Variants in GLB1 observed in about 807,000 individuals in gnomAD.
GLB1 encodes beta-galactosidase.
In GLB1, 56 loss-of-function variants were observed where a neutral mutation model predicts 74.0. The ratio of observed to expected loss-of-function variants is 0.76; its 90% CI spans 0.61 to 0.94. The LOEUF is 0.94. GLB1 is among the 40% of genes least tolerant of loss of function. GLB1 has a pLI of 0.00. For missense variants in GLB1, 787 were observed against 845.5 expected (o/e 0.93, Z 0.86); for synonymous variants, 323 against 323.6 (o/e 1.00, Z 0.02).
chr3:33,052,676 T>C (rs1699045679), intron 7 of GLB1: 1 of 153,208 alleles, frequency 6.5e-6, no homozygotes, highest in African/African-American at 2.4e-5. Context: ...TTTGTATGAA[T>C]CCAGATTTTC....
chr3:33,077,949 T>C (rs1700182206), intron 1 of GLB1, among the ~76,000 whole-genome samples: 1 of 152,186 alleles, frequency 6.6e-6, no homozygotes, highest in South Asian at 2.1e-4. Flanking sequence ...TATAACTTTG[T>C]TGTACATAGT....
In GLB1 at chr3:33,016,853, A is replaced by C; in HGVS notation, c.1348-13T>G. ...CTCCCTGGGGGATCTGTGGGGTTCA[A>C]GACCAAATGACAATTGAATTGAGGG... On this transcript the variant is annotated splice_polypyrimidine_tract_variant and intron_variant, in intron 13 of 15. Transcript: ENST00000307363. 6.2e-7 allele frequency: 1 copy of C among 1,613,618 alleles called. No homozygotes were observed.
At chr3:33,056,773 C>G (rs1699240841) in intron 6 of GLB1, among the ~76,000 whole-genome samples, 4 of 152,122 alleles carry the variant, frequency 2.6e-5, no homozygotes, top group Admixed American at 2.6e-4. Context: ...GGCCCTTTAT[C>G]CCTAAATACA....
intron 1 of GLB1, chr3:33,091,638 T>TA: frequency 1.0e-6 from 1 of 984,388 alleles, no homozygotes; most frequent in Non-Finnish European, 1.2e-6. Context: ...TTGAGGTAGA[T>TA]ACGATAATTA....
intron 1 of GLB1, among the ~76,000 whole-genome samples, chr3:33,081,607 C>A (rs997091945): frequency 2.6e-5 from 4 of 152,208 alleles, no homozygotes; most frequent in East Asian, 1.9e-4. Flanking sequence ...GAAGCCCCCC[C>A]AGTGGGGCCA....
intron 10 of GLB1, among the ~76,000 whole-genome samples, chr3:33,042,115 G>A (rs377689910): frequency 6.6e-6 from 1 of 151,994 alleles, no homozygotes; most frequent in South Asian, 2.1e-4. Context: ...ACCTTCATAA[G>A]CCACAATCAC....
chr3:33,056,678 A>AGC (rs1333819873), intron 6 of GLB1, among the ~76,000 whole-genome samples: 1 of 152,176 alleles, frequency 6.6e-6, no homozygotes, highest in Non-Finnish European at 1.5e-5. Context: ...CCCAATTGTT[A>AGC]GCATTTTACT....
chr3:32,990,674 G>A, the GLB1 span, among the ~76,000 whole-genome samples: 357 of 152,240 alleles, frequency 2.3e-3, no homozygotes, highest in African/African-American at 8.3e-3. Flanking sequence ...AAGCACTCTG[G>A]TAAAAAGATC....
the GLB1 span, among the ~76,000 whole-genome samples, chr3:32,975,371 G>A: frequency 6.6e-6 from 1 of 152,104 alleles, no homozygotes; most frequent in Admixed American, 6.5e-5. Context: ...AGGGGCATGA[G>A]GTACTGCCCC....
rs115932911 is a variant in GLB1 at position 33,003,318 on chromosome 3, A to G, written c.1735-5974T>C. Among the ~76,000 whole-genome samples, 1,041 of 152,340 alleles carry G rather than the reference A, an allele frequency of 6.8e-3. 13 individuals carry two copies. Among genetic ancestry groups the G allele is most frequent in the African/African-American group, 0.024 (992 of 41,574 alleles). On this transcript the variant is annotated intron_variant, in intron 15 of 15. Coordinates refer to ENST00000307363, the MANE Select transcript of GLB1 (RefSeq NM_000404.4). ...TTTTAATACAATAGCTTACCTAACA[A>G]CAGTCGTCAAACCACCTCACGTATC...
At chr3:33,040,997 A>G (rs6781531) in intron 10 of GLB1, among the ~76,000 whole-genome samples, 89,749 of 151,952 alleles carry the variant, frequency 0.59, 27,985 homozygotes, top group Non-Finnish European at 0.69. Context: ...ATATTTCAAG[A>G]CAATCAGAAT....
intron 10 of GLB1, among the ~76,000 whole-genome samples, chr3:33,033,509 G>C (rs938787693): frequency 6.6e-6 from 1 of 152,122 alleles, no homozygotes; most frequent in Non-Finnish European, 1.5e-5. Context: ...GAGGCTAGGC[G>C]GGGTGGCTCA....
chr3:32,961,250 TAGAGAC>T, the GLB1 span, among the ~76,000 whole-genome samples: 1 of 152,216 alleles, frequency 6.6e-6, no homozygotes. Context: ...GCACCAGACT[TAGAGAC>T]AGAGATCCTT....
chr3:33,053,772 T>A (rs1253718696), intron 6 of GLB1, among the ~76,000 whole-genome samples: 2 of 152,172 alleles, frequency 1.3e-5, no homozygotes, highest in African/African-American at 2.4e-5. Context: ...ATGAATGGGA[T>A]TAGTGCCCCT....
downstream of GLB1, among the ~76,000 whole-genome samples, chr3:32,994,964 C>G (rs1696283481): frequency 6.6e-6 from 1 of 151,126 alleles, no homozygotes; most frequent in Non-Finnish European, 1.5e-5. Flanking sequence ...CCAAAAACTT[C>G]CTGGGTAAGG....
chr3:32,978,433 G>A, the GLB1 span, among the ~76,000 whole-genome samples: 2 of 152,086 alleles, frequency 1.3e-5, no homozygotes, highest in Admixed American at 6.5e-5. Context: ...AAGAGGGAGA[G>A]AAGCTCTTAC....
At chr3:32,993,935 C>T (rs1433862712), downstream of GLB1, among the ~76,000 whole-genome samples, 4 of 152,180 alleles carry the variant, frequency 2.6e-5, no homozygotes, top group African/African-American at 4.8e-5. Flanking sequence ...TCCCAAAGTG[C>T]TGGGATTACA....
chr3:33,060,602 C>A (rs1188989586), intron 5 of GLB1, among the ~76,000 whole-genome samples: 3 of 152,158 alleles, frequency 2.0e-5, no homozygotes, highest in African/African-American at 7.2e-5. Context: ...CCTTGGTTTT[C>A]TTATCATCTT....
At chr3:32,963,528 A>G in the GLB1 span, among the ~76,000 whole-genome samples, 1 of 152,234 alleles carries the variant, frequency 6.6e-6, no homozygotes, top group Admixed American at 6.5e-5. Flanking sequence ...GGTTGCAGTT[A>G]AATGCAATTG....
Sources: gnomAD v4.1 joint callset for allele counts (sites outside exome capture counted in the v4.1 genomes callset) on GRCh38, gnomAD v4.1.1 for gene constraint, MANE v1.5 for transcripts, NCBI Gene and HGNC (gene_info 2026-07-23, HGNC 2026-07-21) for gene names.